The following GPD2 variants were observed in gnomAD, a reference collection of about 807,000 sequenced individuals.
GPD2 encodes glycerol-3-phosphate dehydrogenase, mitochondrial.
A neutral mutation model predicts 82.4 loss-of-function variants in GPD2; 54 were observed. The ratio of observed to expected loss-of-function variants is 0.66; its 90% CI spans 0.53 to 0.82. The LOEUF is 0.82. GPD2 is among the 40% of genes least tolerant of loss of function. The probability of loss-of-function intolerance (pLI) is 0.00; values close to 1 mark genes in which losing one functional copy is unlikely to be tolerated. For synonymous variants in GPD2, 288 were observed against 306.1 expected, an observed-to-expected ratio of 0.94 and a Z score of 0.62; for missense variants, 748 against 896.2, an observed-to-expected ratio of 0.83 and a Z score of 2.11.
chr2:156,415,364 T>C, the GPD2 span, among the ~76,000 whole-genome samples: 2 of 151,922 alleles, frequency 1.3e-5, no homozygotes, highest in Non-Finnish European at 2.9e-5. Context: ...TTCACCATGT[T>C]GGCCAGGATG....
chr2:156,549,573 C>G (rs747264191), intron 6 of GPD2, 35 bp from the exon 7 acceptor site: 76 of 1,600,146 alleles, frequency 4.7e-5, no homozygotes, highest in Admixed American at 1.3e-4. Flanking sequence ...CTCGAGGTGA[C>G]TCCTCTCCCT....
chr2:156,550,966 G>C (rs535356859), intron 8 of GPD2, among the ~76,000 whole-genome samples: 2 of 152,288 alleles, frequency 1.3e-5, no homozygotes, highest in South Asian at 4.1e-4. Context: ...AATGCTTTGG[G>C]ATCTATTTTT....
intron 1 of GPD2, among the ~76,000 whole-genome samples, chr2:156,465,168 C>G (rs1227555077): frequency 6.6e-6 from 1 of 151,990 alleles, no homozygotes; most frequent in Non-Finnish European, 1.5e-5. Context: ...TGTTTTCTTA[C>G]AAAACATTTT....
intron 3 of GPD2, among the ~76,000 whole-genome samples, chr2:156,498,969 C>G (rs1684487542): frequency 6.6e-6 from 1 of 152,036 alleles, no homozygotes; most frequent in African/African-American, 2.4e-5. Context: ...TAGTAGAAGG[C>G]AAACATAAGG....
intron 6 of GPD2, among the ~76,000 whole-genome samples, chr2:156,541,818 C>CTGTT (rs1438866768): frequency 3.8e-4 from 20 of 53,072 alleles, no homozygotes; most frequent in African/African-American, 7.2e-4. Context: ...GTATAAAATG[C>CTGTT]TGTTTGTTTT....
intron 1 of GPD2, among the ~76,000 whole-genome samples, chr2:156,452,512 C>G (rs951647649): frequency 3.3e-5 from 5 of 152,198 alleles, no homozygotes; most frequent in Admixed American, 1.3e-4. Flanking sequence ...AGCTTCGGCT[C>G]GGCATCAGAG....
rs1038697596 is a variant in GPD2 at position 156,458,053 on chromosome 2, G to A, written c.-8-18045G>A. ...GCCTCCTGCACTGAATTTTCTCCTG[G>A]GTGTCATTGGTGTCATTTGAATATG... On this transcript the variant is annotated intron_variant, in intron 1 of 16. Transcript: ENST00000438166. Among the ~76,000 whole-genome samples the A allele has an allele frequency of 3.3e-5, 5 of 152,240 alleles. No individual in the cohort carries two copies. The South Asian group carries it at 1.0e-3, about 32-fold the overall frequency.
rs186653329 is a variant in GPD2, at chr2:156,561,898, C to T, written c.1165+4316C>T. ...GGAACAATTCTGAAAAGCATTTTGC[C>T]TGTTGGGAATAAGACCATGTCTTCT... On this transcript the variant is annotated intron_variant, in intron 9 of 16. Transcript: ENST00000438166. Among the ~76,000 whole-genome samples, 3 of 152,312 alleles carry T rather than the reference C, an allele frequency of 2.0e-5. No individual in the cohort carries two copies. In the East Asian group the frequency reaches 5.8e-4, roughly 29 times the overall value.
the GPD2 span, among the ~76,000 whole-genome samples, chr2:156,402,025 T>C: frequency 1.3e-5 from 2 of 152,088 alleles, no homozygotes; most frequent in Admixed American, 1.3e-4. Context: ...TATGAGAAAA[T>C]AACAGCTAAC....
chr2:156,500,362 A>C (rs1188987732), intron 3 of GPD2, among the ~76,000 whole-genome samples: 1 of 152,156 alleles, frequency 6.6e-6, no homozygotes, highest in Non-Finnish European at 1.5e-5. Flanking sequence ...ATTCCTGATC[A>C]TATCAGTGGC....
intron 10 of GPD2, 60 bp downstream of exon 10, chr2:156,569,019 G>T: frequency 7.3e-7 from 1 of 1,374,870 alleles, no homozygotes. Flanking sequence ...TATAGGGACA[G>T]GGTCTCACCA....
At chr2:156,572,019 T>C (rs2105367963) in intron 13 of GPD2, among the ~76,000 whole-genome samples, 1 of 152,300 alleles carries the variant, frequency 6.6e-6, no homozygotes, top group South Asian at 2.1e-4. Flanking sequence ...AACCTCCATG[T>C]TACTCAATAA....
At chr2:156,439,817 A>C (rs2105136039) in intron 1 of GPD2, among the ~76,000 whole-genome samples, 1 of 150,980 alleles carries the variant, frequency 6.6e-6, no homozygotes, top group African/African-American at 2.4e-5. Context: ...ATTGCACTCC[A>C]GCCTGGGCGA....
At position 156,567,614 on chromosome 2, in the gene GPD2, C is replaced by G. The variant is rs144860378; in HGVS notation, c.1166-1211C>G. Among the ~76,000 whole-genome samples, 6 of 152,184 alleles carry G rather than the reference C, an allele frequency of 3.9e-5. No homozygotes were observed. In the East Asian group the frequency reaches 1.2e-3, roughly 29 times the overall value. ...TTTACCACAATAAATGCAGCAGGAC[C>G]AGGTAGGCATTATTTTCCCAGTAGT... is the stretch of plus-strand genomic sequence containing the variant. On this transcript the variant is annotated intron_variant, in intron 9 of 16. Coordinates refer to ENST00000438166, the MANE Select transcript of GPD2 (RefSeq NM_000408.5).
At chr2:156,423,151 G>GT in the GPD2 span, among the ~76,000 whole-genome samples, 1 of 152,194 alleles carries the variant, frequency 6.6e-6, no homozygotes, top group East Asian at 1.9e-4. Flanking sequence ...CATAAAGGTA[G>GT]TAAGTGACAA....
In GPD2 at chr2:156,583,102, T is replaced by C; in HGVS notation, c.*184T>C. The C allele has an allele frequency of 1.5e-6, 1 of 658,034 alleles. No homozygotes were observed. The highest frequency in any genetic ancestry group is 2.7e-6 in the Non-Finnish European group (1 of 371,690). 40.8% of individuals were successfully genotyped at this position (658,034 alleles called of 1,614,324 possible). A position where few individuals can be genotyped will look rare whatever the true frequency, so the allele number is the denominator to read the frequency against. On this transcript the variant is annotated 3_prime_UTR_variant, in exon 17 of 17. Transcript: ENST00000438166. Reference sequence around the variant, plus strand: ...AGCTTTATTTGCTGTACTTTATTTGTATTTGCCATTCAGTCTAGCTTTTAA... The same window carrying C: ...AGCTTTATTTGCTGTACTTTATTTGCATTTGCCATTCAGTCTAGCTTTTAA...
chr2:156,563,160 T>G (rs1687237049), intron 9 of GPD2, among the ~76,000 whole-genome samples: 1 of 152,202 alleles, frequency 6.6e-6, no homozygotes, highest in Admixed American at 6.5e-5. Context: ...TTGCTTTGGT[T>G]TTGGTAATAC....
At chr2:156,572,253 C>T (rs555434277) in intron 13 of GPD2, among the ~76,000 whole-genome samples, 1 of 152,296 alleles carries the variant, frequency 6.6e-6, no homozygotes, top group East Asian at 1.9e-4. Context: ...TATGCATTCT[C>T]TTATACCCTA....
chr2:156,570,030 G>C, intron 11 of GPD2, 57 bp from the exon 12 acceptor site: 1 of 1,505,122 alleles, frequency 6.6e-7, no homozygotes, highest in African/African-American at 1.4e-5. Flanking sequence ...TTTTTGCTTT[G>C]TGCCTAGAAG....
Sources: gnomAD v4.1 joint callset for allele counts (sites outside exome capture counted in the v4.1 genomes callset) on GRCh38, gnomAD v4.1.1 for gene constraint, MANE v1.5 for transcripts, NCBI Gene and HGNC (gene_info 2026-07-23, HGNC 2026-07-21) for gene names.